The following ZEB1 variants were observed in gnomAD, a reference collection of about 807,000 sequenced individuals.
The protein encoded by ZEB1 is zinc finger E-box-binding homeobox 1.
Under a neutral mutation model 84.9 loss-of-function variants are expected in ZEB1, and 21 were observed. That is an observed-to-expected ratio of 0.25 (90% CI 0.18 to 0.36). The LOEUF (loss-of-function observed/expected upper bound fraction) is 0.36, where lower values mean the gene tolerates loss of function less well. Ranked by LOEUF, ZEB1 falls within the 10% of genes least tolerant of loss-of-function variation. The pLI, the probability that ZEB1 is intolerant of heterozygous loss-of-function variation, is 1.00. For synonymous variants in ZEB1, 420 were observed against 471.1 expected, an observed-to-expected ratio of 0.89 and a Z score of 1.41; for missense variants, 1,104 against 1,330.2, an observed-to-expected ratio of 0.83 and a Z score of 2.65.
intron 1 of ZEB1, among the ~76,000 whole-genome samples, chr10:31,424,482 ACTTTT>A (rs72466746): frequency 0.015 from 2,300 of 152,128 alleles, 43 homozygotes; most frequent in African/African-American, 0.052. Context: ...AGGTTTTGTT[ACTTTT>A]CTTATATTGA....
At chr10:31,374,242 A>G (rs546310650) in intron 1 of ZEB1, among the ~76,000 whole-genome samples, 3 of 151,964 alleles carry the variant, frequency 2.0e-5, no homozygotes, top group African/African-American at 7.2e-5. Flanking sequence ...GAGATGTCAA[A>G]ATTATGTTAA....
intron 1 of ZEB1, among the ~76,000 whole-genome samples, chr10:31,397,541 G>C (rs575652838): frequency 6.6e-6 from 1 of 152,034 alleles, no homozygotes; most frequent in African/African-American, 2.4e-5. Context: ...TTTTCAATGT[G>C]TCCAGCTTCA....
At chr10:31,337,646 A>G (rs993942650) in intron 1 of ZEB1, among the ~76,000 whole-genome samples, 2 of 129,374 alleles carry the variant, frequency 1.5e-5, no homozygotes, top group African/African-American at 5.8e-5. Flanking sequence ...CTATCTTTGT[A>G]TTTAATATAG....
intron 5 of ZEB1, among the ~76,000 whole-genome samples, chr10:31,514,338 GAAAGTTGGTATTTTTC>G (rs2070680972): frequency 6.6e-6 from 1 of 152,028 alleles, no homozygotes; most frequent in Admixed American, 6.6e-5. Context: ...TGATACTTTA[GAAAGTTGGTATTTTTC>G]TGTATCAAAT....
chr10:31,492,515 C>A (rs930199610), intron 2 of ZEB1, among the ~76,000 whole-genome samples: 3 of 151,682 alleles, frequency 2.0e-5, no homozygotes, highest in African/African-American at 7.3e-5. Context: ...CATCATAAGT[C>A]AAGGAGTATC....
chr10:31,337,190 G>A (rs907370723), intron 1 of ZEB1, among the ~76,000 whole-genome samples: 1 of 151,790 alleles, frequency 6.6e-6, no homozygotes, highest in African/African-American at 2.4e-5. Context: ...AATCACTGAA[G>A]AATATAGTGT....
intron 1 of ZEB1, among the ~76,000 whole-genome samples, chr10:31,439,802 A>G (rs2058704448): frequency 6.6e-6 from 1 of 152,168 alleles, no homozygotes; most frequent in South Asian, 2.1e-4. Flanking sequence ...GAATGCAGTG[A>G]GCCGGGGTAA....
rs145296091 is a variant in ZEB1, at chr10:31,338,914, T to A, written c.58+19622T>A. On this transcript the variant is annotated intron_variant, in intron 1 of 8. Transcript: ENST00000424869. Reference sequence around the variant, plus strand: ...GATGTATAAATCATTTATGGGAGAGTGATATTTGATTCAGGGATGTTGACA... The same window carrying A: ...GATGTATAAATCATTTATGGGAGAGAGATATTTGATTCAGGGATGTTGACA... Among the ~76,000 whole-genome samples the A allele has an allele frequency of 9.4e-3, 1,419 of 151,678 alleles. 24 individuals carry two copies. Among genetic ancestry groups the A allele is most frequent in the African/African-American group, 0.033 (1,358 of 41,310 alleles).
At chr10:31,338,156 T>C (rs1255406084) in intron 1 of ZEB1, among the ~76,000 whole-genome samples, 1 of 152,236 alleles carries the variant, frequency 6.6e-6, no homozygotes, top group African/African-American at 2.4e-5. Flanking sequence ...TTGAGAAAGG[T>C]ATTACCTTAT....
At chr10:31,321,538 T>C in intron 1 of ZEB1, 1 of 1,614,034 alleles carries the variant, frequency 6.2e-7, no homozygotes, top group Non-Finnish European at 8.5e-7. Flanking sequence ...GAAAGGTAAG[T>C]TGGTTCGGAA....
chr10:31,410,452 G>A (rs2054025479), intron 1 of ZEB1, among the ~76,000 whole-genome samples: 1 of 152,100 alleles, frequency 6.6e-6, no homozygotes, highest in Admixed American at 6.5e-5. Context: ...CAGGGATATT[G>A]GCCTGAAATT....
At chr10:31,414,536 AC>A (rs1224906969) in intron 1 of ZEB1, among the ~76,000 whole-genome samples, 53 of 152,230 alleles carry the variant, frequency 3.5e-4, no homozygotes, top group African/African-American at 1.3e-3. Context: ...TAGAGGGGCT[AC>A]TACATGCAAC....
At chr10:31,407,173 C>T (rs901269494) in intron 1 of ZEB1, among the ~76,000 whole-genome samples, 1 of 151,314 alleles carries the variant, frequency 6.6e-6, no homozygotes, top group Admixed American at 6.6e-5. Context: ...TATACATGTG[C>T]CATGCTGGTG....
At chr10:31,360,311 G>A (rs1564578825) in intron 1 of ZEB1, among the ~76,000 whole-genome samples, 2 of 152,160 alleles carry the variant, frequency 1.3e-5, no homozygotes, top group Non-Finnish European at 2.9e-5. Context: ...TAATAGCTGT[G>A]AGACCTTAAG....
At chr10:31,327,826 A>G (rs534587262) in intron 1 of ZEB1, among the ~76,000 whole-genome samples, 2 of 152,212 alleles carry the variant, frequency 1.3e-5, no homozygotes, top group Non-Finnish European at 2.9e-5. Context: ...ATTGTACAAC[A>G]TTCTACATTT....
chr10:31,433,721 T>C (rs539995532), intron 1 of ZEB1, among the ~76,000 whole-genome samples: 1 of 152,322 alleles, frequency 6.6e-6, no homozygotes, highest in South Asian at 2.1e-4. Flanking sequence ...TCATCAAGGA[T>C]GTACTTAAGT....
intron 2 of ZEB1, among the ~76,000 whole-genome samples, chr10:31,488,519 GTT>G (rs57811340): frequency 2.1e-5 from 3 of 143,148 alleles, no homozygotes; most frequent in East Asian, 2.0e-4. Context: ...TTGTCTCACT[GTT>G]TTTTTTTTTA....
chr10:31,347,817 T>C (rs555190241), intron 1 of ZEB1, among the ~76,000 whole-genome samples: 1 of 152,114 alleles, frequency 6.6e-6, no homozygotes, highest in South Asian at 2.1e-4. Context: ...ATCCCAGGAG[T>C]AGAATTATTG....
At position 31,385,557 on chromosome 10, in the gene ZEB1, A is replaced by T. The variant is rs1336950883; in HGVS notation, c.58+66265A>T. Among the ~76,000 whole-genome samples, 31 of 142,034 alleles carry T rather than the reference A, an allele frequency of 2.2e-4. No individual in the cohort carries two copies. The Admixed American group carries it at 2.3e-3, about 10-fold the overall frequency. 93.2% of individuals were successfully genotyped at this position (142,034 alleles called of 152,430 possible). A position where few individuals can be genotyped will look rare whatever the true frequency, so the allele number is the denominator to read the frequency against. On this transcript the variant is annotated intron_variant, in intron 1 of 8. Transcript: ENST00000424869. Reference sequence around the variant, plus strand: ...TCTTTTTTTTTTTGAGACGGAGTCTAGCTCTGTCACCCAGGCTGGAGTGCA... The same window carrying T: ...TCTTTTTTTTTTTGAGACGGAGTCTTGCTCTGTCACCCAGGCTGGAGTGCA...
Sources: gnomAD v4.1 joint callset for allele counts (sites outside exome capture counted in the v4.1 genomes callset) on GRCh38, gnomAD v4.1.1 for gene constraint, MANE v1.5 for transcripts, NCBI Gene and HGNC (gene_info 2026-07-23, HGNC 2026-07-21) for gene names.